The following PPARG variants were observed in gnomAD, a reference collection of about 807,000 sequenced individuals.
PPARG encodes the protein peroxisome proliferator-activated receptor gamma.
In PPARG, 17 loss-of-function variants were observed where a neutral mutation model predicts 39.2. The ratio of observed to expected loss-of-function variants is 0.43; its 90% CI spans 0.30 to 0.65. PPARG has a LOEUF of 0.65. Among genes scored for constraint, PPARG ranks in the 30% least tolerant of loss-of-function variants. PPARG has a pLI of 0.13. For missense variants in PPARG, 406 were observed against 585.9 expected (o/e 0.69, Z 3.17); for synonymous variants, 223 against 215.7 (o/e 1.03, Z -0.30).
chr3:12,335,795 C>G (rs10510417), intron 2 of PPARG, among the ~76,000 whole-genome samples: 38,315 of 151,790 alleles, frequency 0.25, 4,950 homozygotes, highest in East Asian at 0.33. Context: ...ATGATTCCTA[C>G]ATCAATGAGC....
At chr3:12,345,677 C>G (rs960933844) in intron 2 of PPARG, among the ~76,000 whole-genome samples, 1 of 152,110 alleles carries the variant, frequency 6.6e-6, no homozygotes, top group Non-Finnish European at 1.5e-5. Context: ...ATGCTAATCT[C>G]CCTCCTATTA....
intron 2 of PPARG, among the ~76,000 whole-genome samples, chr3:12,359,138 C>G (rs762278854): frequency 6.6e-6 from 1 of 152,172 alleles, no homozygotes; most frequent in African/African-American, 2.4e-5. Flanking sequence ...CTAAACATCT[C>G]TCACCTTGGT....
At chr3:12,369,752 C>G (rs902695022) in intron 2 of PPARG, among the ~76,000 whole-genome samples, 7 of 152,126 alleles carry the variant, frequency 4.6e-5, no homozygotes, top group African/African-American at 1.7e-4. Flanking sequence ...ATTCTGTTTC[C>G]TCTCCTGCTT....
chr3:12,303,063 C>A (rs1251159813), intron 1 of PPARG, among the ~76,000 whole-genome samples: 3 of 152,168 alleles, frequency 2.0e-5, no homozygotes, highest in Non-Finnish European at 4.4e-5. Context: ...TTATGATATT[C>A]AAGCGCATGA....
At chr3:12,416,306 G>A (rs144489637) in intron 6 of PPARG, among the ~76,000 whole-genome samples, 3 of 152,326 alleles carry the variant, frequency 2.0e-5, no homozygotes, top group African/African-American at 7.2e-5. Context: ...TTGAACCTGG[G>A]AGGTGGAGGT....
chr3:12,420,218 A>G (rs1046448186), intron 7 of PPARG, among the ~76,000 whole-genome samples: 2 of 152,268 alleles, frequency 1.3e-5, no homozygotes, highest in African/African-American at 4.8e-5. Flanking sequence ...TAGACAAGAA[A>G]CAGTCATGAG....
intron 2 of PPARG, among the ~76,000 whole-genome samples, chr3:12,319,831 T>A (rs1349727837): frequency 1.3e-5 from 2 of 152,306 alleles, no homozygotes; most frequent in Middle Eastern, 3.4e-3. Flanking sequence ...TTTCCTTACC[T>A]GTTAAGTAAG....
chr3:12,405,975 A>G lies in PPARG; in HGVS notation c.623A>G (p.Asp208Gly). 1 of 1,614,092 alleles carries G rather than the reference A, an allele frequency of 6.2e-7. No individual in the cohort carries two copies. The highest frequency in any genetic ancestry group is 8.5e-7 in the Non-Finnish European group (1 of 1,180,000). The stretch of plus-strand genomic sequence containing the variant: ...GACCAGCTGAATCCAGAGTCCGCTG[A>G]CCTCCGGGCCCTGGCAAAACATTTG... ...DIDQLNPESA[D>G]LRALAKHLYD... The change falls in exon 6 of 8, where the codon GAC (aspartate) becomes GGC (glycine). Residue 208 changes from aspartate (D) to glycine (G), a missense_variant. Physicochemically the swap from Asp to Gly is moderately conservative, Grantham distance 94. Around this residue, in one of 2 missense-constraint regions of PPARG, gnomAD observed 275 missense variants for 458.0 expected, o/e 0.60. Coordinates refer to ENST00000651735, the MANE Select transcript of PPARG (RefSeq NM_138711.6).
Position 12,370,293 on chromosome 3 carries a change from C to CT in PPARG, c.-8-9400dup, listed in dbSNP as rs76986148. On this transcript the variant is annotated intron_variant, in intron 2 of 7. Transcript: ENST00000651735. The stretch of plus-strand genomic sequence containing the variant: ...CTGATTCCTGATCCTTTCTATGGTA[C>CT]TTTTTTTTTTTCCTGTCAGGAAGTA... Among the ~76,000 whole-genome samples, 148 of 145,832 alleles carry CT rather than the reference C, an allele frequency of 1.0e-3. 1 individual carries two copies. Among genetic ancestry groups the CT allele is most frequent in the Middle Eastern group, 7.1e-3 (2 of 280 alleles).
intron 7 of PPARG, among the ~76,000 whole-genome samples, chr3:12,418,527 A>C (rs2051154609): frequency 6.6e-6 from 1 of 152,232 alleles, no homozygotes; most frequent in Non-Finnish European, 1.5e-5. Flanking sequence ...AATGTTTCTG[A>C]AATCAGGTGC....
chr3:12,392,343 A>G (rs1180297593), intron 4 of PPARG, among the ~76,000 whole-genome samples: 3 of 152,312 alleles, frequency 2.0e-5, no homozygotes, highest in South Asian at 2.1e-4. Flanking sequence ...CGAAAACCAA[A>G]TGTAGAGCCA....
At chr3:12,369,986 T>C (rs1471965047) in intron 2 of PPARG, among the ~76,000 whole-genome samples, 12 of 152,198 alleles carry the variant, frequency 7.9e-5, no homozygotes, top group Admixed American at 7.2e-4. Context: ...ATCTGTAGCC[T>C]GGGACTACCT....
rs572080161 is a variant in PPARG at position 12,425,918 on chromosome 3, A to G, written c.1181-7980A>G. ...TCACTCTGAGAGACCCAGAAATGAC[A>G]GAGCCCATGCTCAGTTTCCACTGGT... On this transcript the variant is annotated intron_variant, in intron 7 of 7. Transcript: ENST00000651735. Among the ~76,000 whole-genome samples, 6 of 152,342 alleles carry G rather than the reference A, an allele frequency of 3.9e-5. No homozygotes were observed. In the East Asian group the frequency reaches 1.2e-3, roughly 29 times the overall value.
At chr3:12,411,898 A>G (rs1253111678) in intron 6 of PPARG, among the ~76,000 whole-genome samples, 1 of 152,184 alleles carries the variant, frequency 6.6e-6, no homozygotes, top group Non-Finnish European at 1.5e-5. Context: ...GCAAGAAGGA[A>G]ACAAAATGAA....
intron 2 of PPARG, among the ~76,000 whole-genome samples, chr3:12,343,299 A>C (rs1422870806): frequency 6.6e-6 from 1 of 152,010 alleles, no homozygotes; most frequent in Non-Finnish European, 1.5e-5. Context: ...TGCCATCCAA[A>C]GCTTCTCTGT....
At chr3:12,385,030 T>C (rs2049821398) in intron 4 of PPARG, among the ~76,000 whole-genome samples, 1 of 152,156 alleles carries the variant, frequency 6.6e-6, no homozygotes, top group South Asian at 2.1e-4. Flanking sequence ...ACAAAATTGC[T>C]GCCACATTCT....
chr3:12,361,341 A>G (rs1266316635), intron 2 of PPARG, among the ~76,000 whole-genome samples: 1 of 152,188 alleles, frequency 6.6e-6, no homozygotes, highest in Non-Finnish European at 1.5e-5. Context: ...TTACTTAATA[A>G]ACAGATATTT....
intron 6 of PPARG, among the ~76,000 whole-genome samples, chr3:12,408,199 C>A (rs553336347): frequency 2.0e-5 from 3 of 152,268 alleles, no homozygotes; most frequent in Admixed American, 1.3e-4. Context: ...AGAAAACTTT[C>A]CATGATTGTT....
chr3:12,303,866 A>G (rs1023337115), intron 1 of PPARG, among the ~76,000 whole-genome samples: 5 of 152,310 alleles, frequency 3.3e-5, no homozygotes, highest in East Asian at 1.9e-4. Flanking sequence ...ATGATTCCCT[A>G]TTCTCTAATG....
Sources: gnomAD v4.1 joint callset for allele counts (sites outside exome capture counted in the v4.1 genomes callset) on GRCh38, gnomAD v4.1.1 for gene constraint, gnomAD v4.1.1 regional missense constraint, MANE v1.5 for transcripts, NCBI Gene and HGNC (gene_info 2026-07-23, HGNC 2026-07-21) for gene names.